Variants in ESYT3 observed in about 807,000 individuals in gnomAD.
ESYT3 encodes extended synaptotagmin-3.
In ESYT3, 101 loss-of-function variants were observed where a neutral mutation model predicts 111.5. That is an observed-to-expected ratio of 0.91 (90% CI 0.77 to 1.07). The LOEUF (loss-of-function observed/expected upper bound fraction) is 1.07, where lower values mean the gene tolerates loss of function less well. ESYT3 is among the 50% of genes least tolerant of loss of function. ESYT3 has a pLI of 0.00. For missense variants in ESYT3, 1,097 were observed against 1,109.4 expected, an observed-to-expected ratio of 0.99 and a Z score of 0.16; for synonymous variants, 416 against 446.8, an observed-to-expected ratio of 0.93 and a Z score of 0.87.
chr3:138,455,148 TG>T, intron 2 of ESYT3, 45 bp from the exon 3 acceptor site: 1 of 1,608,152 alleles, frequency 6.2e-7, no homozygotes, highest in South Asian at 1.1e-5. Flanking sequence ...GGGTCTGCAG[TG>T]GGGGTACAGA....
intron 1 of ESYT3, among the ~76,000 whole-genome samples, chr3:138,444,714 G>A (rs1210071898): frequency 6.6e-6 from 1 of 152,212 alleles, no homozygotes; most frequent in Non-Finnish European, 1.5e-5. Context: ...GAGCAGGCCC[G>A]GAGCCAGGGA....
intron 1 of ESYT3, among the ~76,000 whole-genome samples, chr3:138,441,455 G>T (rs1334292735): frequency 6.6e-6 from 1 of 152,150 alleles, no homozygotes. Flanking sequence ...CTCCCACTGG[G>T]TCCTGGCCCA....
intron 4 of ESYT3, among the ~76,000 whole-genome samples, chr3:138,458,504 C>T (rs758885233): frequency 6.6e-6 from 1 of 152,224 alleles, no homozygotes; most frequent in Admixed American, 6.5e-5. Flanking sequence ...TCGGTTTTTG[C>T]GATTTGTGAC....
chr3:138,464,220 C>T (rs1560234280), intron 8 of ESYT3, 125 bp from the exon 9 acceptor site: 1 of 1,114,242 alleles, frequency 9.0e-7, no homozygotes, highest in Non-Finnish European at 1.3e-6. Flanking sequence ...CTTCTATCTC[C>T]TGGTCCAGAC....
chr3:138,450,693 C>G (rs762820790), intron 1 of ESYT3, among the ~76,000 whole-genome samples: 8 of 152,322 alleles, frequency 5.3e-5, no homozygotes, highest in Non-Finnish European at 1.0e-4. Context: ...TCTCTGTCCC[C>G]TATTTTGGGA....
chr3:138,452,072 G>A lies in ESYT3; in HGVS notation c.352G>A (p.Val118Ile). 6.2e-7 allele frequency: 1 copy of A among 1,607,316 alleles called. No homozygotes were observed. Among genetic ancestry groups the A allele is most frequent in the Non-Finnish European group, 8.5e-7 (1 of 1,179,784 alleles). Residue 118 changes from valine (V) to isoleucine (I), a missense_variant, in exon 2 of 23, where the codon GTC (valine) becomes ATC (isoleucine). Transcript: ENST00000389567. ...GATCCACTTCCCGGACGTGGAGCGG[G>A]TCGAGTGGGCCAACAAGGTAAGGCC... ...AWIHFPDVER[V>I]EWANKIISQT...
chr3:138,466,369 T>G (rs370490021), intron 10 of ESYT3, among the ~76,000 whole-genome samples: 1 of 152,222 alleles, frequency 6.6e-6, no homozygotes, highest in Non-Finnish European at 1.5e-5. Context: ...ATCTGACAGT[T>G]TCAGAAACAA....
In ESYT3 at chr3:138,449,082, C is replaced by CTTT. The variant is rs398040196; in HGVS notation, c.328-2948_328-2946dup. On this transcript the variant is annotated intron_variant, in intron 1 of 22. Coordinates refer to ENST00000389567, the MANE Select transcript of ESYT3 (RefSeq NM_031913.5). ...CTGTTGCTGCCTACACTTTCTTTTT[C>CTTT]TTTTTTTTTTTTTTTTTTTTGAGAT... Among the ~76,000 whole-genome samples the CTTT allele has an allele frequency of 0.016, 1,841 of 113,080 alleles. 179 individuals carry two copies. The East Asian group carries it at 0.27, about 17-fold the overall frequency. The allele number at this position is 113,080 out of a possible 152,430, so 74.2% of individuals were successfully genotyped here.
chr3:138,470,414 A>AG, intron 16 of ESYT3: 1 of 1,165,740 alleles, frequency 8.6e-7, no homozygotes, highest in Non-Finnish European at 1.1e-6. Context: ...CACAGTACCC[A>AG]GAGCAGCCTA....
intron 15 of ESYT3, 114 bp from the exon 16 acceptor site, chr3:138,469,946 G>C (rs1037140392): frequency 1.0e-5 from 8 of 780,294 alleles, no homozygotes; most frequent in Non-Finnish European, 4.1e-6. Flanking sequence ...TGATCCCAGG[G>C]CATATAGGTA....
chr3:138,442,196 A>G (rs1025037152), intron 1 of ESYT3, among the ~76,000 whole-genome samples: 1 of 152,104 alleles, frequency 6.6e-6, no homozygotes, highest in Non-Finnish European at 1.5e-5. Context: ...TAAAATTAGG[A>G]TAAGCATTTT....
At position 138,452,033 on chromosome 3, in the gene ESYT3, G is replaced by A. The variant is rs774344604; in HGVS notation, c.328-15G>A. On this transcript the variant is annotated splice_polypyrimidine_tract_variant and intron_variant, in intron 1 of 22. Coordinates refer to ENST00000389567, the MANE Select transcript of ESYT3 (RefSeq NM_031913.5). ...CGGCTTCTAGTCTAACTTCCCCTCG[G>A]GGCTTCTTTCCTAGATCCACTTCCC... 1.9e-6 allele frequency: 3 copies of A among 1,613,636 alleles called. No homozygotes were observed. Among genetic ancestry groups the A allele is most frequent in the South Asian group, 2.2e-5 (2 of 91,080 alleles).
intron 11 of ESYT3, 81 bp downstream of exon 11, chr3:138,467,690 CAGCT>C: frequency 1.5e-6 from 2 of 1,340,118 alleles, no homozygotes; most frequent in African/African-American, 1.4e-5. Context: ...TGCTTCAGCC[CAGCT>C]ATTCCTATGC....
At position 138,472,381 on chromosome 3, in the gene ESYT3, C is replaced by T. The variant is rs763839560; in HGVS notation, c.1759C>T (p.Arg587Ter). The T allele has an allele frequency of 1.6e-5, 26 of 1,613,516 alleles. 1 individual carries two copies. The East Asian group carries it at 2.0e-4, about 12-fold the overall frequency. ...LVLRFLQVEE[R>*]ELGSPYTGPE... The stretch of plus-strand genomic sequence containing the variant: ...CTTGCAGTTCCTGCAAGTGGAGGAA[C>T]GAGAGCTGGGGAGCCCATACACAGG... The change falls in exon 18 of 23, where the codon CGA (arginine) becomes TGA (stop). Residue 587 changes from arginine (R) to a stop codon, truncating the protein, a stop_gained. Coordinates refer to ENST00000389567, the MANE Select transcript of ESYT3 (RefSeq NM_031913.5). LOFTEE classifies it high-confidence loss of function.
In ESYT3 at chr3:138,455,277, G is replaced by T; in HGVS notation, c.453G>T (p.Lys151Asn). 1.2e-6 allele frequency: 2 copies of T among 1,614,138 alleles called. No individual in the cohort carries two copies. The highest frequency in any genetic ancestry group is 1.7e-6 in the Non-Finnish European group (2 of 1,180,018). The change falls in exon 3 of 23, where the codon AAG becomes AAT. Residue 151 changes from lysine (K) to asparagine (N), a missense_variant. Coordinates refer to ENST00000389567, the MANE Select transcript of ESYT3 (RefSeq NM_031913.5). ...AACTTGAGCCCAAGATCCGAGAGAA[G>T]AGCATCCACCTGAGGACCTTTACCT... ...REKLEPKIRE[K>N]SIHLRTFTFT...
rs149170374 is a variant in ESYT3, at chr3:138,449,698, T to C, written c.328-2350T>C. 4.0e-3 allele frequency among the ~76,000 whole-genome samples: 616 copies of C among 152,274 alleles called. 7 individuals carry two copies. Among genetic ancestry groups the C allele is most frequent in the African/African-American group, 0.014 (590 of 41,556 alleles). On this transcript the variant is annotated intron_variant, in intron 1 of 22. Transcript: ENST00000389567. ...CAAAGGTGTGGGATGGGAAGTGTGA[T>C]GCTTGGGCTGGAAGGAGGACAGCTA...
At chr3:138,461,196 G>A (rs1048543002) in intron 7 of ESYT3, among the ~76,000 whole-genome samples, 2 of 152,202 alleles carry the variant, frequency 1.3e-5, no homozygotes, top group Non-Finnish European at 2.9e-5. Context: ...GTGGACACAC[G>A]AGTGTCCTTT....
chr3:138,478,496 G>C lies in ESYT3; in HGVS notation c.*1642G>C, dbSNP rs1234133589. On this transcript the variant is annotated 3_prime_UTR_variant, in exon 23 of 23. Transcript: ENST00000389567. ...AAATGGAGAAGCACCAGAGAAATAA[G>C]GGAATGTATCATATGTACATCGAAA... 5 of 152,166 alleles carry C rather than the reference G, an allele frequency of 3.3e-5. No individual in the cohort carries two copies. The highest frequency in any genetic ancestry group is 2.1e-4 in the South Asian group (1 of 4,830). The allele number at this position is 152,166 out of a possible 1,614,324, so 9.4% of individuals were successfully genotyped here.
chr3:138,475,063 T>C (rs2033419193), intron 20 of ESYT3, among the ~76,000 whole-genome samples: 1 of 152,208 alleles, frequency 6.6e-6, no homozygotes, highest in Admixed American at 6.5e-5. Flanking sequence ...GGGCCATATC[T>C]AAGAACTATT....
Sources: gnomAD v4.1 joint callset for allele counts (sites outside exome capture counted in the v4.1 genomes callset) on GRCh38, gnomAD v4.1.1 for gene constraint, MANE v1.5 for transcripts, NCBI Gene and HGNC (gene_info 2026-07-23, HGNC 2026-07-21) for gene names.